Variants in ATF6 observed in about 807,000 individuals in gnomAD.
ATF6 encodes cyclic AMP-dependent transcription factor ATF-6 alpha.
Under a neutral mutation model 83.6 loss-of-function variants are expected in ATF6, and 53 were observed. The observed-to-expected ratio is 0.63, with a 90% CI of 0.51 to 0.80. The LOEUF is 0.80. Ranked by LOEUF, ATF6 falls within the 30% of genes least tolerant of loss-of-function variation. The pLI is 0.00. For synonymous variants in ATF6, 288 were observed against 285.8 expected (o/e 1.01, Z -0.08); for missense variants, 744 against 797.9 (o/e 0.93, Z 0.81).
At chr1:161,923,740 T>C (rs1688258923) in intron 15 of ATF6, among the ~76,000 whole-genome samples, 1 of 152,220 alleles carries the variant, frequency 6.6e-6, no homozygotes, top group Non-Finnish European at 1.5e-5. Context: ...TTAGATTCAA[T>C]CAGCTTGCAT....
intron 13 of ATF6, among the ~76,000 whole-genome samples, 175 bp downstream of exon 13, chr1:161,860,452 C>T (rs537119722): frequency 6.7e-6 from 1 of 150,290 alleles, no homozygotes; most frequent in Admixed American, 6.6e-5. Context: ...TACTACTGAG[C>T]AGTTGGAATA....
At chr1:161,902,161 C>G (rs1199830125) in intron 14 of ATF6, among the ~76,000 whole-genome samples, 1 of 152,088 alleles carries the variant, frequency 6.6e-6, no homozygotes, top group Non-Finnish European at 1.5e-5. Flanking sequence ...TAATGGGTTA[C>G]CCTTGCCTGA....
chr1:161,785,608 C>T (rs534346236), intron 4 of ATF6, among the ~76,000 whole-genome samples: 1 of 152,080 alleles, frequency 6.6e-6, no homozygotes, highest in African/African-American at 2.4e-5. Flanking sequence ...ACCCAATTAA[C>T]CTGTACATAA....
intron 4 of ATF6, among the ~76,000 whole-genome samples, chr1:161,787,661 G>A (rs1371667770): frequency 2.0e-5 from 3 of 152,082 alleles, no homozygotes; most frequent in African/African-American, 2.4e-5. Context: ...TATTTTCTAA[G>A]TGACTATGAA....
intron 15 of ATF6, among the ~76,000 whole-genome samples, chr1:161,945,984 A>T (rs946205496): frequency 6.6e-6 from 1 of 152,038 alleles, no homozygotes; most frequent in Non-Finnish European, 1.5e-5. Context: ...CTTCAGACCT[A>T]CAGAGTCTGT....
chr1:161,811,614 A>G (rs1685458808), intron 7 of ATF6, among the ~76,000 whole-genome samples: 1 of 152,142 alleles, frequency 6.6e-6, no homozygotes, highest in African/African-American at 2.4e-5. Flanking sequence ...AGCCAGATTC[A>G]CCTGTTGTTA....
chr1:161,851,416 C>T (rs150315712), intron 10 of ATF6, among the ~76,000 whole-genome samples: 5 of 152,288 alleles, frequency 3.3e-5, no homozygotes, highest in African/African-American at 9.6e-5. Context: ...GTACCAGCAG[C>T]ATTGTGCATG....
At chr1:161,880,660 ATTC>A (rs2101857737) in intron 14 of ATF6, among the ~76,000 whole-genome samples, 1 of 152,214 alleles carries the variant, frequency 6.6e-6, no homozygotes, top group African/African-American at 2.4e-5. Context: ...TTACTAATAT[ATTC>A]ACCTTCTACT....
chr1:161,827,493 C>T (rs1477342409), intron 9 of ATF6, among the ~76,000 whole-genome samples: 6 of 152,056 alleles, frequency 3.9e-5, no homozygotes, highest in Non-Finnish European at 8.8e-5. Context: ...GTTTGTCAGA[C>T]AAATAGACAT....
At chr1:161,887,622 C>G (rs1252818579) in intron 14 of ATF6, among the ~76,000 whole-genome samples, 1 of 152,098 alleles carries the variant, frequency 6.6e-6, no homozygotes, top group Non-Finnish European at 1.5e-5. Flanking sequence ...GATTAAATCC[C>G]AATCCATAGC....
At chr1:161,817,481 C>T (rs563874672) in intron 7 of ATF6, among the ~76,000 whole-genome samples, 2 of 152,196 alleles carry the variant, frequency 1.3e-5, no homozygotes, top group South Asian at 4.1e-4. Context: ...ATCAATCCAT[C>T]ATGGCTTTGC....
intron 1 of ATF6, among the ~76,000 whole-genome samples, chr1:161,772,372 C>A (rs1684405487): frequency 6.6e-6 from 1 of 152,190 alleles, no homozygotes; most frequent in Admixed American, 6.5e-5. Flanking sequence ...CCAGACCAAT[C>A]ATATTTCCCT....
intron 15 of ATF6, among the ~76,000 whole-genome samples, chr1:161,949,385 A>G (rs1276656894): frequency 6.6e-6 from 1 of 152,182 alleles, no homozygotes; most frequent in African/African-American, 2.4e-5. Flanking sequence ...GAGGCTCAGA[A>G]GTAGATGTGT....
intron 6 of ATF6, among the ~76,000 whole-genome samples, chr1:161,798,828 C>A (rs1685077983): frequency 6.6e-6 from 1 of 151,944 alleles, no homozygotes; most frequent in East Asian, 1.9e-4. Flanking sequence ...TAGACATGGC[C>A]AATAAGCATA....
rs1685766340 is a variant in ATF6, at chr1:161,821,691, G to A, written c.1187+530G>A. 1.3e-5 allele frequency among the ~76,000 whole-genome samples: 2 copies of A among 152,218 alleles called. 1 individual carries two copies. Among genetic ancestry groups the A allele is most frequent in the Admixed American group, 1.3e-4 (2 of 15,282 alleles). ...GTGCCTGAGGCTAGATATATGGTTA[G>A]AAGTATAGGTGCTGCTGTGTACAAT... On this transcript the variant is annotated intron_variant, in intron 9 of 15. Coordinates refer to ENST00000367942, the MANE Select transcript of ATF6 (RefSeq NM_007348.4).
At chr1:161,832,047 C>T (rs2101801080) in intron 9 of ATF6, among the ~76,000 whole-genome samples, 1 of 151,292 alleles carries the variant, frequency 6.6e-6, no homozygotes, top group East Asian at 1.9e-4. Context: ...CACCAGGAAA[C>T]CATACCACCA....
At chr1:161,785,753 C>T (rs1427016508) in intron 4 of ATF6, among the ~76,000 whole-genome samples, 1 of 152,062 alleles carries the variant, frequency 6.6e-6, no homozygotes, top group Non-Finnish European at 1.5e-5. Flanking sequence ...TTGAATTTTG[C>T]TAGATACTGC....
At chr1:161,856,854 G>T (rs978922723) in intron 12 of ATF6, among the ~76,000 whole-genome samples, 9 of 152,120 alleles carry the variant, frequency 5.9e-5, no homozygotes, top group African/African-American at 1.7e-4. Flanking sequence ...GCAAGAAAAA[G>T]AATTTTGTTT....
At chr1:161,905,979 C>T (rs942512780) in intron 14 of ATF6, among the ~76,000 whole-genome samples, 1 of 152,086 alleles carries the variant, frequency 6.6e-6, no homozygotes, top group African/African-American at 2.4e-5. Flanking sequence ...ACCACAGGCG[C>T]CTGCCACCAC....
Sources: gnomAD v4.1 joint callset for allele counts (sites outside exome capture counted in the v4.1 genomes callset) on GRCh38, gnomAD v4.1.1 for gene constraint, MANE v1.5 for transcripts, NCBI Gene and HGNC (gene_info 2026-07-23, HGNC 2026-07-21) for gene names.